The following TTC36 variants were observed in gnomAD, a reference collection of about 807,000 sequenced individuals.
TTC36 encodes tetratricopeptide repeat domain 36.
In TTC36, 15 loss-of-function variants were observed where a neutral mutation model predicts 17.5. The observed-to-expected ratio is 0.86, with a 90% CI of 0.57 to 1.32. The LOEUF (loss-of-function observed/expected upper bound fraction) is 1.32, where lower values mean the gene tolerates loss of function less well. TTC36 is among the 40% of genes most tolerant of loss of function. The pLI, the probability that TTC36 is intolerant of heterozygous loss-of-function variation, is 0.00. For synonymous variants in TTC36, 112 were observed against 109.8 expected, an observed-to-expected ratio of 1.02 and a Z score of -0.13; for missense variants, 292 against 260.9, an observed-to-expected ratio of 1.12 and a Z score of -0.82.
chr11:118,528,070 C>A, intron 1 of TTC36: 1 of 432,596 alleles, frequency 2.3e-6, no homozygotes, highest in Admixed American at 2.6e-5. Flanking sequence ...AGTGCGTTCA[C>A]TGGCTTTTCC....
At chr11:118,527,820 G>C (rs573475001) in intron 1 of TTC36, 1 of 643,560 alleles carries the variant, frequency 1.6e-6, no homozygotes, top group Non-Finnish European at 2.9e-6. Flanking sequence ...TTTGTCTCTC[G>C]ATCCATCAGC....
At position 118,530,671 on chromosome 11, in the gene TTC36, G is replaced by A. The variant is rs966997374; in HGVS notation, c.325G>A (p.Glu109Lys). Residue 109 changes from glutamate to lysine, a missense_variant, in exon 3 of 3, where the codon GAA becomes AAA. Coordinates refer to ENST00000302783, the MANE Select transcript of TTC36 (RefSeq NM_001080441.4). This position sits in a 1 kb window ranked among gnomAD's most constrained non-coding sequence, Gnocchi z 5.8. ...TCCCGCAGGCGCCCTGGAGGATCTG[G>A]AACGCGCGGTGGAGCTGAGCGGCGG... ...GDVAGALEDL[E>K]RAVELSGGRG... 24 of 1,472,290 alleles carry A rather than the reference G, an allele frequency of 1.6e-5. No individual in the cohort carries two copies. Among genetic ancestry groups the A allele is most frequent in the Non-Finnish European group, 1.7e-5 (19 of 1,120,652 alleles). 91.2% of individuals were successfully genotyped at this position (1,472,290 alleles called of 1,614,324 possible).
chr11:118,528,007 GTAACCGTTAAACA>G, intron 1 of TTC36: 1 of 460,712 alleles, frequency 2.2e-6, no homozygotes, highest in South Asian at 1.5e-5. Flanking sequence ...AGCACAACCA[GTAACCGTTAAACA>G]CTGTCACAAG....
rs782166842 is a variant in TTC36 at position 118,528,644 on chromosome 11, C to G, written c.160C>G (p.Leu54Val). The stretch of plus-strand genomic sequence containing the variant: ...AGCACAGCTGGAACAGTCCAAGGCC[C>G]TGGAGCTGCAGGGGGTGATGGCAGC... ...PQAQLEQSKALELQGVMAAEA... is the reference protein window; with the variant it reads ...PQAQLEQSKAVELQGVMAAEA... The change falls in exon 2 of 3, where the codon CTG (leucine) becomes GTG (valine). Residue 54 changes from leucine to valine, a missense_variant. Leu to Val is a conservative substitution (Grantham distance 32). Transcript: ENST00000302783. 1.2e-6 allele frequency: 2 copies of G among 1,609,798 alleles called. No individual in the cohort carries two copies. Among genetic ancestry groups the G allele is most frequent in the Admixed American group, 1.7e-5 (1 of 59,766 alleles).
chr11:118,528,175 A>G, intron 1 of TTC36: 1 of 350,034 alleles, frequency 2.9e-6, no homozygotes, highest in East Asian at 7.3e-5. Flanking sequence ...GGGATACGTC[A>G]GAAGTGATGT....
At chr11:118,528,564 C>T (rs868944768) in intron 1 of TTC36, 39 bp from the exon 2 acceptor site, 2 of 1,515,022 alleles carry the variant, frequency 1.3e-6, no homozygotes, top group Middle Eastern at 1.8e-4. Flanking sequence ...TTGCTACCAA[C>T]TGCACACCTG....
chr11:118,530,620 G>C lies in TTC36; in HGVS notation c.308-34G>C. On this transcript the variant is annotated intron_variant, in intron 2 of 2. Coordinates refer to ENST00000302783, the MANE Select transcript of TTC36 (RefSeq NM_001080441.4). This position sits in a 1 kb window ranked among gnomAD's most constrained non-coding sequence, Gnocchi z 5.8. The stretch of plus-strand genomic sequence containing the variant: ...GGGCAAGGCCGCCCTGGCCTCCGCT[G>C]ACCCCCGCCCCGCCCGTCTCGTCGG... 7.2e-7 allele frequency: 1 copy of C among 1,391,582 alleles called. No individual in the cohort carries two copies. The highest frequency in any genetic ancestry group is 9.2e-7 in the Non-Finnish European group (1 of 1,084,676). The allele number at this position is 1,391,582 out of a possible 1,614,324, so 86.2% of individuals were successfully genotyped here.
rs118041771 is a variant in TTC36 at position 118,528,677 on chromosome 11, G to C, written c.193G>C (p.Gly65Arg). The C allele has an allele frequency of 1.2e-6, 2 of 1,612,724 alleles. No homozygotes were observed. The highest frequency in any genetic ancestry group is 1.7e-6 in the Non-Finnish European group (2 of 1,179,294). ...ELQGVMAAEA[G>R]DLSTALERFG... ...GCAGGGGGTGATGGCAGCAGAGGCTGGGGACCTCAGCACAGCCCTGGAGAG... is the reference window on the plus strand; with the variant it reads ...GCAGGGGGTGATGGCAGCAGAGGCTCGGGACCTCAGCACAGCCCTGGAGAG... The change falls in exon 2 of 3, where the codon GGG becomes CGG. Residue 65 changes from glycine (G) to arginine (R), a missense_variant. Gly to Arg is a moderately radical substitution (Grantham distance 125). Coordinates refer to ENST00000302783, the MANE Select transcript of TTC36 (RefSeq NM_001080441.4).
chr11:118,530,896 C>G lies in TTC36; in HGVS notation c.550C>G (p.Arg184Gly). The change falls in exon 3 of 3, where the codon CGC becomes GGC. Residue 184 changes from arginine to glycine, a missense_variant. Arg to Gly is a moderately radical substitution (Grantham distance 125). Transcript: ENST00000302783. The surrounding 1 kb of genome is among the most constrained non-coding windows in gnomAD (Gnocchi z 5.8). ...GGCCGACATGATGGGGCAGCTGCGC[C>G]GCCCCCGTGACAGCCGCTGAGCGCC... ...MLADMMGQLR[R>G]PRDSR 1 of 1,504,096 alleles carries G rather than the reference C, an allele frequency of 6.6e-7. No homozygotes were observed. The highest frequency in any genetic ancestry group is 2.7e-5 in the East Asian group (1 of 36,592). 93.2% of individuals were successfully genotyped at this position (1,504,096 alleles called of 1,614,324 possible).
chr11:118,528,870 G>A, intron 2 of TTC36, 79 bp downstream of exon 2: 1 of 1,395,932 alleles, frequency 7.2e-7, no homozygotes, highest in South Asian at 1.6e-5. Flanking sequence ...CTGTGCGGCT[G>A]GGGTGGCCTT....
Position 118,530,643 on chromosome 11 carries a change from C to A in TTC36, c.308-11C>A. 7.0e-7 allele frequency: 1 copy of A among 1,428,396 alleles called. No individual in the cohort carries two copies. Among genetic ancestry groups the A allele is most frequent in the Non-Finnish European group, 9.1e-7 (1 of 1,101,446 alleles). The allele number at this position is 1,428,396 out of a possible 1,614,324, so 88.5% of individuals were successfully genotyped here. The stretch of plus-strand genomic sequence containing the variant: ...CTGACCCCCGCCCCGCCCGTCTCGT[C>A]GGTCCCGCAGGCGCCCTGGAGGATC... On this transcript the variant is annotated splice_polypyrimidine_tract_variant and intron_variant, in intron 2 of 2. Coordinates refer to ENST00000302783, the MANE Select transcript of TTC36 (RefSeq NM_001080441.4). The surrounding 1 kb of genome is among the most constrained non-coding windows in gnomAD (Gnocchi z 5.8).
At position 118,530,383 on chromosome 11, in the gene TTC36, G is replaced by A; in HGVS notation, c.308-271G>A. The A allele has an allele frequency of 2.5e-6, 1 of 400,500 alleles. No homozygotes were observed. The highest frequency in any genetic ancestry group is 4.4e-6 in the Non-Finnish European group (1 of 228,518). The allele number at this position is 400,500 out of a possible 1,614,324, so 24.8% of individuals were successfully genotyped here. ...TTCATGTTTTCGTGTATTAGCGGTG[G>A]AAAATAATAGGAACAAGGCGAGACC... On this transcript the variant is annotated intron_variant, in intron 2 of 2. Coordinates refer to ENST00000302783, the MANE Select transcript of TTC36 (RefSeq NM_001080441.4). This position sits in a 1 kb window ranked among gnomAD's most constrained non-coding sequence, Gnocchi z 5.8.
rs900361874 is a variant in TTC36, at chr11:118,530,629, C to T, written c.308-25C>T. 5.5e-4 allele frequency: 773 copies of T among 1,409,744 alleles called. No individual in the cohort carries two copies. Among genetic ancestry groups the T allele is most frequent in the Non-Finnish European group, 6.6e-4 (722 of 1,093,168 alleles). 87.3% of individuals were successfully genotyped at this position (1,409,744 alleles called of 1,614,324 possible). A position where few individuals can be genotyped will look rare whatever the true frequency, so the allele number is the denominator to read the frequency against. The stretch of plus-strand genomic sequence containing the variant: ...CGCCCTGGCCTCCGCTGACCCCCGC[C>T]CCGCCCGTCTCGTCGGTCCCGCAGG... On this transcript the variant is annotated intron_variant, in intron 2 of 2. Coordinates refer to ENST00000302783, the MANE Select transcript of TTC36 (RefSeq NM_001080441.4). The surrounding 1 kb of genome is among the most constrained non-coding windows in gnomAD (Gnocchi z 5.8).
chr11:118,528,156 A>T (rs1951120957), intron 1 of TTC36: 1 of 358,454 alleles, frequency 2.8e-6, no homozygotes, highest in Non-Finnish European at 5.5e-6. Context: ...ACTCAGGCCG[A>T]AACACAGAGG....
rs1555057281 is a variant in TTC36 at position 118,530,655 on chromosome 11, C to A, written c.309C>A (p.Gly103=). 2 of 1,452,742 alleles carry A rather than the reference C, an allele frequency of 1.4e-6. No individual in the cohort carries two copies. Among genetic ancestry groups the A allele is most frequent in the African/African-American group, 1.5e-5 (1 of 67,222 alleles). The allele number at this position is 1,452,742 out of a possible 1,614,324, so 90.0% of individuals were successfully genotyped here. A position where few individuals can be genotyped will look rare whatever the true frequency, so the allele number is the denominator to read the frequency against. The change falls in exon 3 of 3, where the codon GGC becomes GGA. Residue 103 remains glycine, a splice_region_variant and synonymous_variant. Coordinates refer to ENST00000302783, the MANE Select transcript of TTC36 (RefSeq NM_001080441.4). The surrounding 1 kb of genome is among the most constrained non-coding windows in gnomAD (Gnocchi z 5.8). The stretch of plus-strand genomic sequence containing the variant: ...CCGCCCGTCTCGTCGGTCCCGCAGG[C>A]GCCCTGGAGGATCTGGAACGCGCGG... ...QARRLQGDVA[G]ALEDLERAVE...
At chr11:118,527,862 C>T (rs760376315) in intron 1 of TTC36, 1 of 578,778 alleles carries the variant, frequency 1.7e-6, no homozygotes, top group Non-Finnish European at 3.3e-6. Context: ...ACTTAATTGA[C>T]TGTATGATCC....
At position 118,528,653 on chromosome 11, in the gene TTC36, C is replaced by A. The variant is rs1951132625; in HGVS notation, c.169C>A (p.Gln57Lys). The change falls in exon 2 of 3, where the codon CAG (glutamine) becomes AAG (lysine). Residue 57 changes from glutamine to lysine, a missense_variant. Gln to Lys is a moderately conservative substitution (Grantham distance 53). Coordinates refer to ENST00000302783, the MANE Select transcript of TTC36 (RefSeq NM_001080441.4). ...QLEQSKALEL[Q>K]GVMAAEAGDL... ...GGAACAGTCCAAGGCCCTGGAGCTG[C>A]AGGGGGTGATGGCAGCAGAGGCTGG... The A allele has an allele frequency of 1.2e-6, 2 of 1,610,586 alleles. No homozygotes were observed. Among genetic ancestry groups the A allele is most frequent in the African/African-American group, 1.3e-5 (1 of 74,906 alleles).
intron 2 of TTC36, among the ~76,000 whole-genome samples, chr11:118,529,173 T>A (rs1951145541): frequency 6.6e-6 from 1 of 152,216 alleles, no homozygotes; most frequent in South Asian, 2.1e-4. Flanking sequence ...GTACTATTGT[T>A]ATCCCCAGTT....
At position 118,530,892 on chromosome 11, in the gene TTC36, G is replaced by A. The variant is rs1555057519; in HGVS notation, c.546G>A (p.Leu182=). The A allele has an allele frequency of 1.3e-6, 2 of 1,504,708 alleles. No homozygotes were observed. Among genetic ancestry groups the A allele is most frequent in the East Asian group, 2.7e-5 (1 of 36,648 alleles). 93.2% of individuals were successfully genotyped at this position (1,504,708 alleles called of 1,614,324 possible). The change falls in exon 3 of 3, where the codon CTG becomes CTA. Residue 182 remains leucine (L), a synonymous_variant. Transcript: ENST00000302783. The surrounding 1 kb of genome is among the most constrained non-coding windows in gnomAD (Gnocchi z 5.8). The stretch of plus-strand genomic sequence containing the variant: ...TGCTGGCCGACATGATGGGGCAGCT[G>A]CGCCGCCCCCGTGACAGCCGCTGAG... The part of the protein sequence containing the change: ...NRMLADMMGQ[L]RRPRDSR
Sources: allele counts gnomAD v4.1 joint callset (sites outside exome capture counted in the v4.1 genomes callset), GRCh38; gene constraint gnomAD v4.1.1; non-coding constraint Gnocchi (gnomAD v3.1); transcripts MANE v1.5; gene names NCBI Gene and HGNC (gene_info 2026-07-23, HGNC 2026-07-21).